Variants in FANCA observed in about 807,000 individuals in gnomAD.
FANCA encodes the protein Fanconi anemia group A protein.
In FANCA, 236 loss-of-function variants were observed where a neutral mutation model predicts 194.3. The ratio of observed to expected loss-of-function variants is 1.21; its 90% confidence interval spans 1.09 to 1.35. The LOEUF (loss-of-function observed/expected upper bound fraction) is 1.35, where lower values mean the gene tolerates loss of function less well. Ranked by LOEUF, FANCA falls within the 40% of genes most tolerant of loss-of-function variation. FANCA has a pLI of 0.00. For missense variants in FANCA, 2,628 were observed against 1,813.9 expected (o/e 1.45, Z -8.15); for synonymous variants, 1,014 against 715.8 (o/e 1.42, Z -6.65).
At position 89,795,936 on chromosome 16, in the gene FANCA, G is replaced by T. The variant is rs758641682; in HGVS notation, c.976C>A (p.Gln326Lys). ...LKRFFSHTLTQILTHSPVLKA... is the reference protein window; with the variant it reads ...LKRFFSHTLTKILTHSPVLKA... Reference sequence around the variant, plus strand: ...AGCACAGGGCTGTGAGTGAGTATCTGAGTCAGGGTATGACTGAAGAACCTC... The same window carrying T: ...AGCACAGGGCTGTGAGTGAGTATCTTAGTCAGGGTATGACTGAAGAACCTC... The change falls in exon 11 of 43, where the codon CAG (glutamine) becomes AAG (lysine). Residue 326 changes from glutamine to lysine, a missense_variant. Physicochemically the swap from Gln to Lys is moderately conservative, Grantham distance 53. Transcript: ENST00000389301. The T allele has an allele frequency of 6.2e-7, 1 of 1,614,040 alleles. No individual in the cohort carries two copies.
At chr16:89,799,760 G>T (rs1046994333) in intron 8 of FANCA, 122 bp from the exon 9 acceptor site, 4 of 785,008 alleles carry the variant, frequency 5.1e-6, no homozygotes, top group South Asian at 2.8e-5. Context: ...TCAGGAGGCC[G>T]AGGCGGGCGG....
chr16:89,783,211 C>T, intron 15 of FANCA, 109 bp from the exon 16 acceptor site: 2 of 811,292 alleles, frequency 2.5e-6, no homozygotes, highest in South Asian at 1.4e-5. Context: ...AGAAACACAG[C>T]CCTTTACAGT....
In FANCA at chr16:89,737,801, C is replaced by CT; in HGVS notation, c.*799dup. On this transcript the variant is annotated 3_prime_UTR_variant, in exon 43 of 43. Transcript: ENST00000389301. ...GCCTGGACTCACTGGACTCTCCCCTCTCAGAGGTGCGGAACTATATCTGTG... is the reference window on the plus strand; with the variant it reads ...GCCTGGACTCACTGGACTCTCCCCTCTTCAGAGGTGCGGAACTATATCTGTG... The CT allele has an allele frequency of 6.2e-7, 1 of 1,614,168 alleles. No individual in the cohort carries two copies. Among genetic ancestry groups the CT allele is most frequent in the South Asian group, 1.1e-5 (1 of 91,054 alleles).
At chr16:89,756,030 C>A (rs1035970278) in intron 30 of FANCA, among the ~76,000 whole-genome samples, 1 of 152,132 alleles carries the variant, frequency 6.6e-6, no homozygotes, top group African/African-American at 2.4e-5. Context: ...GCAACTGTAA[C>A]ACAACAGTAT....
intron 30 of FANCA, among the ~76,000 whole-genome samples, chr16:89,753,909 G>C (rs2038682510): frequency 6.6e-6 from 1 of 152,172 alleles, no homozygotes; most frequent in Non-Finnish European, 1.5e-5. Flanking sequence ...ACAAAAATTA[G>C]ACGGGCGTGT....
At chr16:89,745,289 G>GGA (rs923615396) in intron 35 of FANCA, among the ~76,000 whole-genome samples, 24 of 152,358 alleles carry the variant, frequency 1.6e-4, no homozygotes, top group African/African-American at 4.1e-4. Flanking sequence ...CGTGGAATTT[G>GGA]GAGAAGGAAG....
chr16:89,740,452 T>A, intron 38 of FANCA: 1 of 457,172 alleles, frequency 2.2e-6, no homozygotes, highest in Admixed American at 3.6e-5. Flanking sequence ...CCTGGCAATA[T>A]GGTGAAACCC....
At chr16:89,740,273 C>T (rs2062096208) in intron 38 of FANCA, 174 bp from the exon 39 acceptor site, 2 of 654,376 alleles carry the variant, frequency 3.1e-6, no homozygotes, top group Non-Finnish European at 2.8e-6. Flanking sequence ...AGAAGAGGCT[C>T]AGGTAGGAGG....
chr16:89,773,194 G>C (rs2143365323), intron 22 of FANCA, 77 bp downstream of exon 22: 11 of 1,149,544 alleles, frequency 9.6e-6, no homozygotes, highest in Non-Finnish European at 1.1e-5. Context: ...GTCACTATGG[G>C]GAAAATGGCC....
At position 89,815,335 on chromosome 16, in the gene FANCA, CTTTTTTTTTTTTTTTTTT is replaced by C. The variant is rs562815235; in HGVS notation, c.189+524_189+541del. ...TACAGGCGTGAGCCACCACGCCCGG[CTTTTTTTTTTTTTTTTTT>C]TTTTTTTTTTTTTGTGAGACAGTCT... On this transcript the variant is annotated intron_variant, in intron 2 of 42. Coordinates refer to ENST00000389301, the MANE Select transcript of FANCA (RefSeq NM_000135.4). 1.1e-4 allele frequency among the ~76,000 whole-genome samples: 7 copies of C among 66,498 alleles called. No homozygotes were observed. In the Admixed American group the frequency reaches 1.2e-3, roughly 11 times the overall value. The allele number at this position is 66,498 out of a possible 152,430, so 43.6% of individuals were successfully genotyped here.
At position 89,778,926 on chromosome 16, in the gene FANCA, T is replaced by C. The variant is rs2143423790; in HGVS notation, c.1776+17A>G. The C allele has an allele frequency of 5.6e-6, 9 of 1,614,090 alleles. No individual in the cohort carries two copies. The South Asian group carries it at 7.7e-5, about 14-fold the overall frequency. ...TTCTACACAACTGGTCACAAACTCATGGAGACGCATACTGACCACTCGAGG... is the reference window on the plus strand; with the variant it reads ...TTCTACACAACTGGTCACAAACTCACGGAGACGCATACTGACCACTCGAGG... On this transcript the variant is annotated intron_variant, in intron 19 of 42. Transcript: ENST00000389301.
At chr16:89,744,003 T>C (rs1482877789) in intron 36 of FANCA, among the ~76,000 whole-genome samples, 1 of 151,958 alleles carries the variant, frequency 6.6e-6, no homozygotes, top group African/African-American at 2.4e-5. Context: ...GTTCAAGCAA[T>C]TCTCCTGCCT....
At chr16:89,756,812 G>A (rs1383428880) in intron 30 of FANCA, among the ~76,000 whole-genome samples, 1 of 152,130 alleles carries the variant, frequency 6.6e-6, no homozygotes, top group Admixed American at 6.5e-5. Context: ...AAACGTTTAA[G>A]GACTTACAGA....
At position 89,766,296 on chromosome 16, in the gene FANCA, G is replaced by A. The variant is rs8054306; in HGVS notation, c.2601+845C>T. On this transcript the variant is annotated intron_variant, in intron 27 of 42. Coordinates refer to ENST00000389301, the MANE Select transcript of FANCA (RefSeq NM_000135.4). ...AGGCATGAGCCACCACGCCCAGCCTGAAAACCACTATTTTATACACGAGAC... is the reference window on the plus strand; with the variant it reads ...AGGCATGAGCCACCACGCCCAGCCTAAAAACCACTATTTTATACACGAGAC... Among the ~76,000 whole-genome samples, 548 of 152,000 alleles carry A rather than the reference G, an allele frequency of 3.6e-3. 2 individuals carry two copies. Among genetic ancestry groups the A allele is most frequent in the African/African-American group, 0.013 (525 of 41,510 alleles).
chr16:89,810,258 G>T (rs1452271475), intron 5 of FANCA, among the ~76,000 whole-genome samples: 1 of 148,762 alleles, frequency 6.7e-6, no homozygotes, highest in Non-Finnish European at 1.5e-5. Flanking sequence ...GGGAGGTGGG[G>T]CTTGCAGTGA....
chr16:89,749,085 C>A (rs910894508), intron 32 of FANCA, among the ~76,000 whole-genome samples: 2 of 152,226 alleles, frequency 1.3e-5, no homozygotes, highest in African/African-American at 4.8e-5. Context: ...AAGCAATTCC[C>A]TATGACTGTA....
chr16:89,747,927 T>C (rs1350562361), intron 33 of FANCA, among the ~76,000 whole-genome samples: 1 of 152,108 alleles, frequency 6.6e-6, no homozygotes, highest in African/African-American at 2.4e-5. Context: ...CTTCTTTTTA[T>C]TTGAGACAAG....
At chr16:89,786,237 G>A (rs1034030362) in intron 14 of FANCA, among the ~76,000 whole-genome samples, 4 of 151,776 alleles carry the variant, frequency 2.6e-5, no homozygotes, top group African/African-American at 9.7e-5. Flanking sequence ...AGGCTGGAGC[G>A]CAGTGGCGTA....
chr16:89,816,056 G>C, intron 1 of FANCA, 70 bp from the exon 2 acceptor site: 1 of 1,192,244 alleles, frequency 8.4e-7, no homozygotes, highest in Non-Finnish European at 1.2e-6. Flanking sequence ...CCGACGCGCA[G>C]GTGGACGCCG....
Sources: allele counts gnomAD v4.1 joint callset (sites outside exome capture counted in the v4.1 genomes callset), GRCh38; gene constraint gnomAD v4.1.1; transcripts MANE v1.5; gene names NCBI Gene and HGNC (gene_info 2026-07-23, HGNC 2026-07-21).